The following ENKUR variants were observed in gnomAD, a reference collection of about 807,000 sequenced individuals.
ENKUR encodes the protein enkurin.
In ENKUR, 19 loss-of-function variants were observed where a neutral mutation model predicts 27.6. That is an observed-to-expected ratio of 0.69 (90% CI 0.48 to 1.01). ENKUR has a LOEUF of 1.01. Among genes scored for constraint, ENKUR ranks in the 50% least tolerant of loss-of-function variants. The pLI, the probability that ENKUR is intolerant of heterozygous loss-of-function variation, is 0.00. For synonymous variants in ENKUR, 117 were observed against 96.9 expected, an observed-to-expected ratio of 1.21 and a Z score of -1.22; for missense variants, 312 against 310.5, an observed-to-expected ratio of 1.00 and a Z score of -0.04.
chr10:24,984,589 TC>T (rs1427896893), intron 5 of ENKUR, 146 bp downstream of exon 5: 1 of 1,030,734 alleles, frequency 9.7e-7, no homozygotes, highest in Non-Finnish European at 1.4e-6. Context: ...ACTCAATTAT[TC>T]TTTGCATATT....
At position 25,025,318 on chromosome 10, in the gene ENKUR, A is replaced by G. The variant is rs1564351128; in HGVS notation, c.38-29449T>C. On this transcript the variant is annotated intron_variant, in intron 2 of 5. Transcript: ENST00000615958. Reference sequence around the variant, plus strand: ...TCAGCTCTATTTGCTGGGTTCATACAATGCATTACCTCCACTGCATGAGGC... The same window carrying G: ...TCAGCTCTATTTGCTGGGTTCATACGATGCATTACCTCCACTGCATGAGGC... 2.6e-5 allele frequency: 42 copies of G among 1,614,090 alleles called. No individual in the cohort carries two copies. The highest frequency in any genetic ancestry group is 3.3e-4 in the Middle Eastern group (2 of 6,084).
In ENKUR at chr10:24,982,675, T is replaced by C. The variant is rs1849693353; in HGVS notation, c.*1695A>G. 1 of 152,166 alleles carries C rather than the reference T, an allele frequency of 6.6e-6. No homozygotes were observed. Among genetic ancestry groups the C allele is most frequent in the Non-Finnish European group, 1.5e-5 (1 of 68,056 alleles). The allele number at this position is 152,166 out of a possible 1,614,324, so 9.4% of individuals were successfully genotyped here. A position where few individuals can be genotyped will look rare whatever the true frequency, so the allele number is the denominator to read the frequency against. On this transcript the variant is annotated 3_prime_UTR_variant, in exon 6 of 6. Transcript: ENST00000331161. ...GACCTAGGTATGTATGTGTATGGAT[T>C]GGGGGAGGTTGAACTGGCTCTATCC...
intron 4 of ENKUR, among the ~76,000 whole-genome samples, chr10:24,986,592 G>A (rs940432198): frequency 6.6e-5 from 10 of 152,104 alleles, no homozygotes; most frequent in Admixed American, 2.0e-4. Flanking sequence ...GTACATTTGC[G>A]GATATCAAAG....
intron 1 of ENKUR, among the ~76,000 whole-genome samples, chr10:25,002,169 A>G (rs2132701092): frequency 6.6e-6 from 1 of 152,336 alleles, no homozygotes; most frequent in Non-Finnish European, 1.5e-5. Context: ...TGCCCTGTGT[A>G]TTAGGAGGTG....
At chr10:25,025,759 T>G (rs557207556) in intron 2 of ENKUR, 1 of 271,330 alleles carries the variant, frequency 3.7e-6, no homozygotes, top group Non-Finnish European at 7.4e-6. Context: ...GACCAAAATG[T>G]CTGGTATACT....
intron 2 of ENKUR, among the ~76,000 whole-genome samples, chr10:25,055,921 C>T (rs898949144): frequency 6.6e-6 from 1 of 152,104 alleles, no homozygotes; most frequent in Admixed American, 6.5e-5. Context: ...CTTCTGCAGT[C>T]GTTGTTTTCT....
At chr10:25,013,607 AAG>A (rs768549734) in intron 1 of ENKUR, among the ~76,000 whole-genome samples, 2 of 152,228 alleles carry the variant, frequency 1.3e-5, no homozygotes, top group South Asian at 2.1e-4. Context: ...ACAAAATGGA[AAG>A]AGGGGATGAC....
At chr10:25,018,637 T>C (rs1588670794), upstream of ENKUR, among the ~76,000 whole-genome samples, 1 of 150,898 alleles carries the variant, frequency 6.6e-6, no homozygotes, top group Non-Finnish European at 1.5e-5. Flanking sequence ...ATGCCTGTGA[T>C]GTACATAAAC....
At chr10:24,998,588 G>C (rs1850118979) in intron 2 of ENKUR, among the ~76,000 whole-genome samples, 1 of 151,488 alleles carries the variant, frequency 6.6e-6, no homozygotes, top group Non-Finnish European at 1.5e-5. Context: ...TTGCTTTGTT[G>C]CCCAGGTGCT....
At chr10:25,028,189 T>G (rs905623164) in intron 2 of ENKUR, among the ~76,000 whole-genome samples, 1 of 152,208 alleles carries the variant, frequency 6.6e-6, no homozygotes, top group Non-Finnish European at 1.5e-5. Flanking sequence ...TGTGTATTTA[T>G]TTGTGGACAG....
intron 2 of ENKUR, among the ~76,000 whole-genome samples, chr10:25,057,702 C>G (rs1202976072): frequency 6.6e-6 from 1 of 152,122 alleles, no homozygotes; most frequent in Non-Finnish European, 1.5e-5. Flanking sequence ...CAGAAAAGGG[C>G]ATTGCCTCCC....
intron 2 of ENKUR, among the ~76,000 whole-genome samples, chr10:25,042,144 A>G (rs558820499): frequency 6.6e-6 from 1 of 152,240 alleles, no homozygotes; most frequent in African/African-American, 2.4e-5. Context: ...GAGGCATTGT[A>G]TCTGCAACTT....
At chr10:24,986,791 C>T (rs908271987) in intron 4 of ENKUR, among the ~76,000 whole-genome samples, 7 of 152,146 alleles carry the variant, frequency 4.6e-5, no homozygotes, top group South Asian at 2.1e-4. Flanking sequence ...TATTGAAATA[C>T]GCTACGTGCT....
At chr10:25,002,333 T>A (rs1280694684) in intron 1 of ENKUR, among the ~76,000 whole-genome samples, 1 of 152,216 alleles carries the variant, frequency 6.6e-6, no homozygotes, top group Non-Finnish European at 1.5e-5. Flanking sequence ...CCTCTCTCTA[T>A]GCAACTCTCC....
chr10:25,057,968 A>G (rs1851280059), intron 2 of ENKUR, among the ~76,000 whole-genome samples: 1 of 152,100 alleles, frequency 6.6e-6, no homozygotes, highest in African/African-American at 2.4e-5. Context: ...TCATGATAAA[A>G]CAGTGTCTTA....
chr10:24,997,780 C>T (rs1274007499), intron 2 of ENKUR, among the ~76,000 whole-genome samples: 1 of 147,066 alleles, frequency 6.8e-6, no homozygotes, highest in Admixed American at 6.7e-5. Context: ...TAGGCTTCTT[C>T]CTTTTTTCTT....
intron 2 of ENKUR, among the ~76,000 whole-genome samples, chr10:25,050,262 C>T (rs912007547): frequency 3.3e-5 from 5 of 152,138 alleles, no homozygotes; most frequent in Admixed American, 2.0e-4. Flanking sequence ...GCATCCAAAC[C>T]ATATCAAGTA....
intron 1 of ENKUR, among the ~76,000 whole-genome samples, chr10:25,015,352 C>A (rs1016193880): frequency 1.1e-4 from 16 of 152,206 alleles, no homozygotes; most frequent in Middle Eastern, 3.4e-3. Context: ...GTAGATATTT[C>A]GTTTCACTGA....
chr10:25,028,914 T>G (rs980989091), intron 2 of ENKUR, among the ~76,000 whole-genome samples: 1 of 152,234 alleles, frequency 6.6e-6, no homozygotes. Context: ...CTCTTTGAAT[T>G]TTATATAAAT....
Sources: gnomAD v4.1 joint callset for allele counts (sites outside exome capture counted in the v4.1 genomes callset) on GRCh38, gnomAD v4.1.1 for gene constraint, MANE v1.5 for transcripts, NCBI Gene and HGNC (gene_info 2026-07-23, HGNC 2026-07-21) for gene names.